KLHL35: variants seen among roughly 807,000 people sequenced by gnomAD.
KLHL35 encodes the protein kelch like family member 35.
A neutral mutation model predicts 44.0 loss-of-function variants in KLHL35; 50 were observed. The ratio of observed to expected loss-of-function variants is 1.14; its 90% CI spans 0.91 to 1.44. The LOEUF is 1.44. Ranked by LOEUF, KLHL35 falls within the 40% of genes most tolerant of loss-of-function variation. The pLI, the probability that KLHL35 is intolerant of heterozygous loss-of-function variation, is 0.00. For missense variants in KLHL35, 1,049 were observed against 887.8 expected (o/e 1.18, Z -2.31); for synonymous variants, 470 against 410.4 (o/e 1.15, Z -1.76).
chr11:75,425,650 G>C (rs1948485321), intron 4 of KLHL35, 69 bp from the exon 5 acceptor site: 1 of 1,283,102 alleles, frequency 7.8e-7, no homozygotes, highest in Non-Finnish European at 1.0e-6. Context: ...CATCGCTTCA[G>C]TCCTTACAGT....
chr11:75,429,292 TAGAG>T (rs892749353), intron 2 of KLHL35, among the ~76,000 whole-genome samples: 1 of 152,216 alleles, frequency 6.6e-6, no homozygotes, highest in Admixed American at 6.5e-5. Context: ...TGCTTAGTGT[TAGAG>T]AGAGTGTCGT....
intron 5 of KLHL35, among the ~76,000 whole-genome samples, chr11:75,425,149 T>C (rs1315329335): frequency 6.6e-6 from 1 of 152,240 alleles, no homozygotes; most frequent in Non-Finnish European, 1.5e-5. Context: ...ATTTTTAAAA[T>C]GTATGAAACT....
Position 75,429,749 on chromosome 11 carries a change from C to G in KLHL35, c.881G>C (p.Arg294Thr). ...EAGALRTRPR[R>T]FMDLAEVIVV... ...GGAAGCTAGGGGATGGCGGCCCTAC[C>G]TCCGCGGCCGGGTCCGCAGCGCACC... is the stretch of plus-strand genomic sequence containing the variant. The change falls in exon 2 of 7, where the codon AGA becomes ACA. Residue 294 changes from arginine (R) to threonine (T), a missense_variant and splice_region_variant. Arg to Thr is a moderately conservative substitution (Grantham distance 71, BLOSUM62 -1). Transcript: ENST00000539798. The G allele has an allele frequency of 1.4e-6, 2 of 1,459,196 alleles. No individual in the cohort carries two copies. Among genetic ancestry groups the G allele is most frequent in the South Asian group, 1.3e-5 (1 of 74,278 alleles). 90.4% of individuals were successfully genotyped at this position (1,459,196 alleles called of 1,614,324 possible).
At chr11:75,425,698 T>G (rs1948485874) in intron 4 of KLHL35, 117 bp from the exon 5 acceptor site, 3 of 999,880 alleles carry the variant, frequency 3.0e-6, no homozygotes, top group African/African-American at 1.7e-5. Context: ...CAACCCAGTT[T>G]CAGGACCAAA....
intron 5 of KLHL35, 50 bp from the exon 6 acceptor site, chr11:75,423,930 A>T: frequency 7.5e-7 from 1 of 1,337,958 alleles, no homozygotes; most frequent in Non-Finnish European, 1.0e-6. Context: ...CCCCCAACAA[A>T]TGCCCCACCG....
Position 75,429,885 on chromosome 11 carries a change from G to C in KLHL35, c.745C>G (p.Pro249Ala). The change falls in exon 2 of 7, where the codon CCC becomes GCC. Residue 249 changes from proline (P) to alanine (A), a missense_variant. Coordinates refer to ENST00000539798, the MANE Select transcript of KLHL35 (RefSeq NM_001039548.3). ...LEHVRLPLLAPAYFLEKVEAD... is the reference protein window; with the variant it reads ...LEHVRLPLLAAAYFLEKVEAD... ...TCCACCTTCTCCAGGAAGTAAGCGG[G>C]CGCCAGTAGCGGCAGGCGCACGTGC... 1.3e-6 allele frequency: 2 copies of C among 1,519,160 alleles called. No individual in the cohort carries two copies. Among genetic ancestry groups the C allele is most frequent in the Non-Finnish European group, 1.7e-6 (2 of 1,143,736 alleles). 94.1% of individuals were successfully genotyped at this position (1,519,160 alleles called of 1,614,324 possible). A position where few individuals can be genotyped will look rare whatever the true frequency, so the allele number is the denominator to read the frequency against.
chr11:75,423,580 A>C, intron 6 of KLHL35, 112 bp downstream of exon 6: 1 of 831,552 alleles, frequency 1.2e-6, no homozygotes, highest in Non-Finnish European at 2.0e-6. Flanking sequence ...AGGATGAGCT[A>C]GAGAGTGATG....
chr11:75,432,718 A>G lies in KLHL35; in HGVS notation c.-2+325T>C, dbSNP rs371332953. On this transcript the variant is annotated intron_variant, in intron 1 of 6. Transcript: ENST00000539798. ...GACACACAGTGACATCAGATCCAGC[A>G]TTCACTCTGGGGATCCCCAGTCTGG... Among the ~76,000 whole-genome samples, 93 of 152,310 alleles carry G rather than the reference A, an allele frequency of 6.1e-4. 2 individuals carry two copies. Among genetic ancestry groups the G allele is most frequent in the African/African-American group, 2.0e-3 (84 of 41,556 alleles).
chr11:75,429,759 G>C lies in KLHL35; in HGVS notation c.871C>G (p.Arg291Gly). 6.8e-7 allele frequency: 1 copy of C among 1,471,358 alleles called. No individual in the cohort carries two copies. Among genetic ancestry groups the C allele is most frequent in the South Asian group, 1.3e-5 (1 of 76,790 alleles). 91.1% of individuals were successfully genotyped at this position (1,471,358 alleles called of 1,614,324 possible). The change falls in exon 2 of 7, where the codon CGG becomes GGG. Residue 291 changes from arginine (R) to glycine (G), a missense_variant. Physicochemically the swap from Arg to Gly is moderately radical, Grantham distance 125. Transcript: ENST00000539798. The stretch of plus-strand genomic sequence containing the variant: ...GGATGGCGGCCCTACCTCCGCGGCC[G>C]GGTCCGCAGCGCACCGGCCTCGCGG... ...LGREAGALRT[R>G]PRRFMDLAEV...
At chr11:75,428,388 T>A in intron 3 of KLHL35, 54 bp downstream of exon 3, 1 of 1,584,694 alleles carries the variant, frequency 6.3e-7, no homozygotes, top group African/African-American at 1.3e-5. Context: ...GGGGGTGGAG[T>A]GCGGAGGCTA....
intron 3 of KLHL35, among the ~76,000 whole-genome samples, 192 bp downstream of exon 3, chr11:75,428,246 ATATG>A (rs1948506234): frequency 6.6e-6 from 1 of 152,244 alleles, no homozygotes; most frequent in South Asian, 2.1e-4. Flanking sequence ...AAAAGTAATC[ATATG>A]TATTGAAGTT....
chr11:75,430,934 T>C lies in KLHL35; in HGVS notation c.-1-304A>G, dbSNP rs191741033. Among the ~76,000 whole-genome samples, 142 of 152,322 alleles carry C rather than the reference T, an allele frequency of 9.3e-4. No individual in the cohort carries two copies. The Middle Eastern group carries it at 0.014, about 15-fold the overall frequency. On this transcript the variant is annotated intron_variant, in intron 1 of 6. Coordinates refer to ENST00000539798, the MANE Select transcript of KLHL35 (RefSeq NM_001039548.3). ...CAAACAGGGTAATCGGAGGAGGGTC[T>C]AATAAAGGAACTATTTTCAACAGCG...
chr11:75,426,556 G>T lies in KLHL35; in HGVS notation c.1149C>A (p.Gly383=). The change falls in exon 4 of 7, where the codon GGC becomes GGA. Residue 383 remains glycine (G), a synonymous_variant. Coordinates refer to ENST00000539798, the MANE Select transcript of KLHL35 (RefSeq NM_001039548.3). The part of the protein sequence containing the change: ...TWIKVASLHK[G]RWRHKMAVVQ... ...CAACTGCCATCTTGTGCCTCCACCT[G>T]CCCTTGTGCAGAGAGGCTACCTTGA... The T allele has an allele frequency of 6.2e-7, 1 of 1,604,926 alleles. No homozygotes were observed. The highest frequency in any genetic ancestry group is 8.5e-7 in the Non-Finnish European group (1 of 1,176,220).
rs1313836319 is a variant in KLHL35, at chr11:75,429,755, G to A, written c.875C>T (p.Pro292Leu). Residue 292 changes from proline (P) to leucine (L), a missense_variant, in exon 2 of 7, where the codon CCG (proline) becomes CTG (leucine). Coordinates refer to ENST00000539798, the MANE Select transcript of KLHL35 (RefSeq NM_001039548.3). ...GREAGALRTRPRRFMDLAEVI... is the reference protein window; with the variant it reads ...GREAGALRTRLRRFMDLAEVI... ...TAGGGGATGGCGGCCCTACCTCCGC[G>A]GCCGGGTCCGCAGCGCACCGGCCTC... The A allele has an allele frequency of 2.7e-6, 4 of 1,466,978 alleles. No homozygotes were observed. The highest frequency in any genetic ancestry group is 3.0e-5 in the African/African-American group (2 of 67,766). The allele number at this position is 1,466,978 out of a possible 1,614,324, so 90.9% of individuals were successfully genotyped here.
chr11:75,431,821 C>G (rs1284425302), intron 1 of KLHL35, among the ~76,000 whole-genome samples: 1 of 152,160 alleles, frequency 6.6e-6, no homozygotes, highest in South Asian at 2.1e-4. Context: ...ACAGTACGAG[C>G]TACATGGGTG....
chr11:75,429,118 C>T (rs1313422714), intron 2 of KLHL35, among the ~76,000 whole-genome samples: 2 of 152,188 alleles, frequency 1.3e-5, no homozygotes, highest in African/African-American at 4.8e-5. Flanking sequence ...TATGACATCC[C>T]CTCATCCCTA....
chr11:75,426,712 G>A (rs1948495292), intron 3 of KLHL35, 74 bp from the exon 4 acceptor site: 1 of 1,010,660 alleles, frequency 9.9e-7, no homozygotes, highest in Non-Finnish European at 1.5e-6. Context: ...CTAGAAACTA[G>A]GGCCCCCAGA....
At chr11:75,426,490 C>T (rs758837370) in intron 4 of KLHL35, 30 bp downstream of exon 4, 2 of 1,473,570 alleles carry the variant, frequency 1.4e-6, no homozygotes. Context: ...TACCTTGTGT[C>T]CCAGGGCAGC....
At position 75,426,176 on chromosome 11, in the gene KLHL35, G is replaced by C. The variant is rs376903942; in HGVS notation, c.1185+344C>G. On this transcript the variant is annotated intron_variant, in intron 4 of 6. Coordinates refer to ENST00000539798, the MANE Select transcript of KLHL35 (RefSeq NM_001039548.3). ...TTCACCGTGTTAGCCAGGATGGTCT[G>C]GATCTCCTGACCTCGTGATCCGCCC... 4.4e-3 allele frequency: 745 copies of C among 169,858 alleles called. 6 individuals carry two copies. Among genetic ancestry groups the C allele is most frequent in the Middle Eastern group, 0.014 (5 of 360 alleles). 10.5% of individuals were successfully genotyped at this position (169,858 alleles called of 1,614,324 possible).
Sources: allele counts gnomAD v4.1 joint callset (sites outside exome capture counted in the v4.1 genomes callset), GRCh38; gene constraint gnomAD v4.1.1; transcripts MANE v1.5; gene names NCBI Gene and HGNC (gene_info 2026-07-23, HGNC 2026-07-21).